PKP4: variants seen among roughly 807,000 people sequenced by gnomAD.
The protein encoded by PKP4 is plakophilin 4.
A neutral mutation model predicts 145.1 loss-of-function variants in PKP4; 90 were observed. The observed-to-expected ratio is 0.62, with a 90% CI of 0.52 to 0.74. The LOEUF is 0.74. Ranked by LOEUF, PKP4 falls within the 30% of genes least tolerant of loss-of-function variation. PKP4 has a pLI of 0.00. For missense variants in PKP4, 1,340 were observed against 1,482.7 expected (o/e 0.90, Z 1.58); for synonymous variants, 563 against 577.2 (o/e 0.98, Z 0.35).
intron 4 of PKP4, among the ~76,000 whole-genome samples, chr2:158,616,571 C>T (rs2051643256): frequency 6.6e-6 from 1 of 152,192 alleles, no homozygotes; most frequent in Non-Finnish European, 1.5e-5. Context: ...GGAAGAGTAT[C>T]ATCTGCCTTA....
rs113571117 is a variant in PKP4 at position 158,549,500 on chromosome 2, C to T, written c.132+16184C>T. 1.4e-3 allele frequency among the ~76,000 whole-genome samples: 207 copies of T among 152,064 alleles called. 1 individual carries two copies. Among genetic ancestry groups the T allele is most frequent in the African/African-American group, 4.8e-3 (200 of 41,448 alleles). ...TTTGGTTGAATATGTTCCTTCCCACCGCCACCCCTAGATTTAGACCTCTTT... is the reference window on the plus strand; with the variant it reads ...TTTGGTTGAATATGTTCCTTCCCACTGCCACCCCTAGATTTAGACCTCTTT... On this transcript the variant is annotated intron_variant, in intron 2 of 21. Transcript: ENST00000389759.
At chr2:158,535,282 C>T (rs1413495503) in intron 2 of PKP4, among the ~76,000 whole-genome samples, 1 of 152,144 alleles carries the variant, frequency 6.6e-6, no homozygotes, top group East Asian at 1.9e-4. Context: ...TTACCATTCA[C>T]CTTATATGTT....
At chr2:158,505,641 G>A (rs2040903346) in intron 1 of PKP4, among the ~76,000 whole-genome samples, 1 of 152,060 alleles carries the variant, frequency 6.6e-6, no homozygotes, top group South Asian at 2.1e-4. Context: ...AAAAGAAGCA[G>A]GGTGGGTGAT....
At chr2:158,621,911 A>G (rs886468966) in intron 6 of PKP4, among the ~76,000 whole-genome samples, 4 of 152,206 alleles carry the variant, frequency 2.6e-5, no homozygotes, top group African/African-American at 7.2e-5. Flanking sequence ...GTTTGTTTCT[A>G]TGAGTTAGCT....
At chr2:158,532,851 CT>C (rs892462965) in intron 1 of PKP4, among the ~76,000 whole-genome samples, 14 of 152,124 alleles carry the variant, frequency 9.2e-5, no homozygotes, top group Non-Finnish European at 2.1e-4. Flanking sequence ...GTTTTAAACT[CT>C]TTTTTTCTTT....
At chr2:158,495,766 G>A (rs1016212434) in intron 1 of PKP4, among the ~76,000 whole-genome samples, 6 of 151,360 alleles carry the variant, frequency 4.0e-5, no homozygotes, top group African/African-American at 1.5e-4. Flanking sequence ...CCCAGGAGGC[G>A]GAGGTTGCAG....
At chr2:158,584,362 A>G (rs2105801245) in intron 3 of PKP4, among the ~76,000 whole-genome samples, 1 of 152,320 alleles carries the variant, frequency 6.6e-6, no homozygotes, top group East Asian at 1.9e-4. Flanking sequence ...TTAGTAGGTT[A>G]GGGACCAGTG....
At chr2:158,593,848 C>G (rs1448732417) in intron 3 of PKP4, among the ~76,000 whole-genome samples, 4 of 152,144 alleles carry the variant, frequency 2.6e-5, no homozygotes, top group Admixed American at 6.5e-5. Flanking sequence ...AAAATAGGGC[C>G]ATGAATAAGA....
intron 2 of PKP4, among the ~76,000 whole-genome samples, chr2:158,559,576 C>G (rs1322324535): frequency 6.6e-6 from 1 of 152,080 alleles, no homozygotes; most frequent in Non-Finnish European, 1.5e-5. Flanking sequence ...CATTCTCTTG[C>G]AATTGCGGCT....
intron 4 of PKP4, among the ~76,000 whole-genome samples, chr2:158,607,616 A>G (rs116542850): frequency 0.013 from 1,998 of 152,254 alleles, 27 homozygotes; most frequent in Middle Eastern, 0.027. Context: ...GAAACCAGGA[A>G]GGAGATGCCA....
chr2:158,472,726 T>G (rs1028096074), intron 1 of PKP4, among the ~76,000 whole-genome samples: 6 of 151,490 alleles, frequency 4.0e-5, no homozygotes, highest in Non-Finnish European at 7.4e-5. Flanking sequence ...ATCTGCATAC[T>G]CATTGCAACC....
At chr2:158,547,202 T>C (rs2045147260) in intron 2 of PKP4, among the ~76,000 whole-genome samples, 1 of 152,182 alleles carries the variant, frequency 6.6e-6, no homozygotes, top group Non-Finnish European at 1.5e-5. Context: ...AGAAAAAGTA[T>C]GTCCACACAA....
At chr2:158,597,843 G>C (rs926077480) in intron 3 of PKP4, among the ~76,000 whole-genome samples, 5 of 152,158 alleles carry the variant, frequency 3.3e-5, no homozygotes, top group African/African-American at 1.2e-4. Flanking sequence ...GTCTCACTCT[G>C]TTGCCCAGGC....
chr2:158,596,600 G>A lies in PKP4; in HGVS notation c.246-6470G>A, dbSNP rs2049766313. The stretch of plus-strand genomic sequence containing the variant: ...TGGCTCATGCCTGTAATCCCAGCCT[G>A]GGCAATGAAATGAGACCTTGTCTCT... On this transcript the variant is annotated intron_variant, in intron 3 of 21. Transcript: ENST00000389759. Among the ~76,000 whole-genome samples the A allele has an allele frequency of 2.0e-5, 3 of 151,164 alleles. No homozygotes were observed. In the South Asian group the frequency reaches 6.3e-4, roughly 32 times the overall value.
intron 21 of PKP4, among the ~76,000 whole-genome samples, chr2:158,680,177 G>C (rs1168956622): frequency 6.6e-6 from 1 of 152,140 alleles, no homozygotes; most frequent in Admixed American, 6.5e-5. Context: ...GAGATCTCAG[G>C]CTTTCTTGAG....
chr2:158,457,282 C>T (rs1286300583), intron 1 of PKP4, 64 bp downstream of exon 1: 1 of 151,774 alleles, frequency 6.6e-6, no homozygotes, highest in Non-Finnish European at 1.5e-5. Flanking sequence ...GGCCCTCGCC[C>T]CGAACACGCG....
At chr2:158,491,898 C>CA (rs139466124) in intron 1 of PKP4, among the ~76,000 whole-genome samples, 29,891 of 152,010 alleles carry the variant, frequency 0.2, 3,783 homozygotes, top group Middle Eastern at 0.35. Context: ...CAGGCTCAAG[C>CA]AGCCCCTCAT....
chr2:158,635,387 T>A (rs1321737176), intron 9 of PKP4, among the ~76,000 whole-genome samples: 1 of 152,186 alleles, frequency 6.6e-6, no homozygotes, highest in Non-Finnish European at 1.5e-5. Context: ...CAAAAATAAC[T>A]TGTCTAATAA....
At chr2:158,511,610 G>A (rs1456000514) in intron 1 of PKP4, among the ~76,000 whole-genome samples, 1 of 152,058 alleles carries the variant, frequency 6.6e-6, no homozygotes, top group African/African-American at 2.4e-5. Context: ...TCAATTAACT[G>A]TCACCTGACT....
Sources: gnomAD v4.1 joint callset for allele counts (sites outside exome capture counted in the v4.1 genomes callset) on GRCh38, gnomAD v4.1.1 for gene constraint, MANE v1.5 for transcripts, NCBI Gene and HGNC (gene_info 2026-07-23, HGNC 2026-07-21) for gene names.